Variants in ECPAS observed in about 807,000 individuals in gnomAD.
The protein encoded by ECPAS is Ecm29 proteasome adaptor and scaffold.
ECPAS carries 70 observed loss-of-function variants against 255.1 expected under a neutral mutation model. That is an observed-to-expected ratio of 0.27 (90% CI 0.23 to 0.33). The LOEUF is 0.33. Among genes scored for constraint, ECPAS ranks in the 10% least tolerant of loss-of-function variants. The pLI, the probability that ECPAS is intolerant of heterozygous loss-of-function variation, is 1.00. For synonymous variants in ECPAS, 784 were observed against 775.0 expected (o/e 1.01, Z -0.19); for missense variants, 1,817 against 2,206.4 (o/e 0.82, Z 3.54).
At chr9:111,437,511 T>G (rs2098239887) in intron 6 of ECPAS, among the ~76,000 whole-genome samples, 1 of 152,192 alleles carries the variant, frequency 6.6e-6, no homozygotes, top group Admixed American at 6.5e-5. Context: ...GAGAGTATTT[T>G]TACAGTCATT....
intron 4 of ECPAS, 29 bp downstream of exon 4, chr9:111,444,349 G>T: frequency 6.7e-7 from 1 of 1,487,982 alleles, no homozygotes; most frequent in Non-Finnish European, 9.3e-7. Context: ...TTTGCTGTAA[G>T]TCAGAAAATA....
intron 49 of ECPAS, among the ~76,000 whole-genome samples, chr9:111,362,955 A>G (rs779087907): frequency 4.6e-5 from 7 of 152,202 alleles, no homozygotes; most frequent in Admixed American, 2.0e-4. Context: ...ATAGAGAAGT[A>G]GAAAGAGCAA....
At chr9:111,393,073 A>G in intron 27 of ECPAS, among the ~76,000 whole-genome samples, 191 bp from the exon 28 acceptor site, 1 of 152,234 alleles carries the variant, frequency 6.6e-6, no homozygotes, top group East Asian at 1.9e-4. Context: ...CACACAAGTT[A>G]CTGTAAATGA....
At chr9:111,388,382 A>C (rs1380163708) in intron 31 of ECPAS, among the ~76,000 whole-genome samples, 1 of 148,422 alleles carries the variant, frequency 6.7e-6, no homozygotes, top group Non-Finnish European at 1.5e-5. Context: ...CAAAAGTGCC[A>C]CATGTTCTCC....
intron 9 of ECPAS, among the ~76,000 whole-genome samples, chr9:111,428,393 A>T (rs2098224805): frequency 6.6e-6 from 1 of 152,198 alleles, no homozygotes; most frequent in Admixed American, 6.5e-5. Context: ...GTTTACTCAC[A>T]ATTATTAATA....
chr9:111,433,092 T>C lies in ECPAS; in HGVS notation c.848+141A>G, dbSNP rs936177729. 8 of 809,978 alleles carry C rather than the reference T, an allele frequency of 9.9e-6. No homozygotes were observed. The highest frequency in any genetic ancestry group is 5.6e-5 in the Admixed American group (2 of 35,852). 50.2% of individuals were successfully genotyped at this position (809,978 alleles called of 1,614,324 possible). On this transcript the variant is annotated intron_variant, in intron 8 of 49. Transcript: ENST00000684092. The stretch of plus-strand genomic sequence containing the variant: ...CACAGAATTCAACTCTTTAGCAAAC[T>C]TGATTACAAACTAGGTATATTTAAT...
intron 24 of ECPAS, among the ~76,000 whole-genome samples, chr9:111,400,674 T>C (rs1232653714): frequency 6.6e-6 from 1 of 152,024 alleles, no homozygotes; most frequent in Admixed American, 6.6e-5. Context: ...GCAGAACTGA[T>C]CAAGTAGAAG....
At chr9:111,474,720 ATAATAATAATTTATAAGAGC>A (rs2098294123) in intron 1 of ECPAS, among the ~76,000 whole-genome samples, 1 of 152,230 alleles carries the variant, frequency 6.6e-6, no homozygotes, top group Non-Finnish European at 1.5e-5. Context: ...CACACCAAAA[ATAATAATAATTTATAAGAGC>A]TTAAGTGTTT....
At chr9:111,363,706 A>C in intron 48 of ECPAS, 47 bp from the exon 49 acceptor site, 1 of 857,988 alleles carries the variant, frequency 1.2e-6, no homozygotes, top group Non-Finnish European at 1.9e-6. Flanking sequence ...TGAAAAACAC[A>C]ACCTCCAAGA....
chr9:111,392,911 A>G (rs2098162350), intron 27 of ECPAS, 29 bp from the exon 28 acceptor site: 1 of 1,530,076 alleles, frequency 6.5e-7, no homozygotes, highest in African/African-American at 1.4e-5. Context: ...AGATTGTATC[A>G]CTTTAAAAAA....
intron 2 of ECPAS, among the ~76,000 whole-genome samples, chr9:111,469,808 CAAAA>C (rs1221610578): frequency 1.6e-5 from 2 of 127,102 alleles, no homozygotes; most frequent in African/African-American, 5.8e-5. Context: ...GACTCTGTCT[CAAAA>C]AAAAAAAAGA....
chr9:111,374,155 C>T, intron 38 of ECPAS, 117 bp from the exon 39 acceptor site: 1 of 677,350 alleles, frequency 1.5e-6, no homozygotes, highest in Non-Finnish European at 2.6e-6. Flanking sequence ...CTAATACCCC[C>T]TCCAGGACTC....
intron 43 of ECPAS, among the ~76,000 whole-genome samples, chr9:111,371,323 G>C (rs889125700): frequency 2.6e-5 from 4 of 152,148 alleles, no homozygotes; most frequent in Non-Finnish European, 5.9e-5. Flanking sequence ...ATCTGTTCAT[G>C]AGGTCAACAG....
At chr9:111,391,658 G>T in intron 29 of ECPAS, 98 bp downstream of exon 29, 1 of 742,342 alleles carries the variant, frequency 1.3e-6, no homozygotes, top group Non-Finnish European at 2.3e-6. Context: ...TTTCCTAAGA[G>T]GGTAGAAATC....
intron 46 of ECPAS, 25 bp downstream of exon 46, chr9:111,369,010 T>C (rs758395054): frequency 1.0e-5 from 16 of 1,528,854 alleles, no homozygotes; most frequent in African/African-American, 1.4e-5. Context: ...GTTACAGCAC[T>C]TCAAATGCAG....
intron 6 of ECPAS, among the ~76,000 whole-genome samples, chr9:111,438,184 GT>G (rs1180296574): frequency 1.3e-5 from 2 of 152,232 alleles, no homozygotes; most frequent in African/African-American, 4.8e-5. Flanking sequence ...GAATTTCAAG[GT>G]TTATCTACCA....
chr9:111,416,062 T>A (rs1267334554), intron 18 of ECPAS, among the ~76,000 whole-genome samples: 1 of 152,194 alleles, frequency 6.6e-6, no homozygotes, highest in East Asian at 1.9e-4. Context: ...AGAATCTCAC[T>A]GAGATAAATA....
intron 2 of ECPAS, among the ~76,000 whole-genome samples, chr9:111,454,586 C>CT (rs1250083593): frequency 6.6e-6 from 1 of 152,146 alleles, no homozygotes; most frequent in Non-Finnish European, 1.5e-5. Flanking sequence ...GTGAATCAAT[C>CT]TAACACTGTT....
At chr9:111,399,705 C>T (rs1042016876) in intron 24 of ECPAS, among the ~76,000 whole-genome samples, 7 of 152,150 alleles carry the variant, frequency 4.6e-5, no homozygotes, top group Admixed American at 4.6e-4. Flanking sequence ...AGGCACCAGC[C>T]CACCCACAAT....
Sources: allele counts gnomAD v4.1 joint callset (sites outside exome capture counted in the v4.1 genomes callset), GRCh38; gene constraint gnomAD v4.1.1; transcripts MANE v1.5; gene names NCBI Gene and HGNC (gene_info 2026-07-23, HGNC 2026-07-21).